The following P2RX3 variants were observed in gnomAD, a reference collection of about 807,000 sequenced individuals.
The protein encoded by P2RX3 is P2X purinoceptor 3.
A neutral mutation model predicts 51.5 loss-of-function variants in P2RX3; 41 were observed. The ratio of observed to expected loss-of-function variants is 0.80; its 90% CI spans 0.62 to 1.03. P2RX3 has a LOEUF of 1.03. Ranked by LOEUF, P2RX3 falls within the 50% of genes least tolerant of loss-of-function variation. The pLI is 0.00. For synonymous variants in P2RX3, 185 were observed against 191.6 expected (o/e 0.97, Z 0.29); for missense variants, 459 against 522.1 (o/e 0.88, Z 1.18).
intron 6 of P2RX3, among the ~76,000 whole-genome samples, chr11:57,349,453 G>A (rs1225480324): frequency 2.0e-5 from 3 of 151,752 alleles, no homozygotes; most frequent in South Asian, 2.1e-4. Context: ...GCAACAGACC[G>A]AGACTCCGTC....
rs376612327 is a variant in P2RX3, at chr11:57,347,410, C to T, written c.328-5C>T. The T allele has an allele frequency of 5.7e-5, 89 of 1,558,470 alleles. No individual in the cohort carries two copies. In the South Asian group the frequency reaches 6.9e-4, roughly 12 times the overall value. ...TTCACCAACCTGTGACCCGTCTGCC[C>T]ACAGAGTGAGGAGAAATACCGCTGT... is the stretch of plus-strand genomic sequence containing the variant. On this transcript the variant is annotated splice_region_variant and splice_polypyrimidine_tract_variant and intron_variant, in intron 3 of 11. Transcript: ENST00000263314.
chr11:57,343,639 T>C (rs1856381703), intron 1 of P2RX3, among the ~76,000 whole-genome samples: 1 of 152,232 alleles, frequency 6.6e-6, no homozygotes, highest in Non-Finnish European at 1.5e-5. Flanking sequence ...TATATAATAC[T>C]AGTCTGAACT....
chr11:57,360,586 A>T (rs1360807245), intron 8 of P2RX3, among the ~76,000 whole-genome samples: 1 of 151,704 alleles, frequency 6.6e-6, no homozygotes, highest in African/African-American at 2.4e-5. Context: ...CAAGGTCAGG[A>T]TGGAGACCAT....
intron 8 of P2RX3, among the ~76,000 whole-genome samples, chr11:57,353,772 C>T (rs1342963304): frequency 6.6e-6 from 1 of 151,916 alleles, no homozygotes; most frequent in African/African-American, 2.4e-5. Context: ...CTAAGACATC[C>T]AGAGGCAGCT....
upstream of P2RX3, among the ~76,000 whole-genome samples, chr11:57,337,060 G>A (rs962025249): frequency 1.3e-5 from 2 of 152,170 alleles, no homozygotes; most frequent in African/African-American, 4.8e-5. Context: ...GGGAGGCCAA[G>A]GCAGGGAGAT....
intron 8 of P2RX3, among the ~76,000 whole-genome samples, chr11:57,365,868 G>A (rs1241468723): frequency 6.6e-6 from 1 of 152,214 alleles, no homozygotes; most frequent in African/African-American, 2.4e-5. Context: ...CTGATTCACT[G>A]GGGCTGAGCA....
intron 1 of P2RX3, among the ~76,000 whole-genome samples, chr11:57,341,549 A>G (rs1173600848): frequency 1.3e-5 from 2 of 152,006 alleles, no homozygotes; most frequent in Non-Finnish European, 2.9e-5. Context: ...TGTTTCTCAC[A>G]TCTTTTCTGG....
chr11:57,347,630 G>A (rs1264597058), intron 4 of P2RX3, 152 bp downstream of exon 4: 3 of 858,860 alleles, frequency 3.5e-6, no homozygotes, highest in Non-Finnish European at 5.5e-6. Context: ...CCCAGTGGGT[G>A]CTACAAAGGT....
At chr11:57,364,176 C>A (rs1462327382) in intron 8 of P2RX3, among the ~76,000 whole-genome samples, 1 of 152,192 alleles carries the variant, frequency 6.6e-6, no homozygotes, top group Admixed American at 6.5e-5. Flanking sequence ...GATCCACCCT[C>A]TCACCCCTGC....
chr11:57,369,346 C>T lies in P2RX3; in HGVS notation c.1003-15C>T, dbSNP rs202123931. On this transcript the variant is annotated splice_polypyrimidine_tract_variant and intron_variant, in intron 10 of 11. Transcript: ENST00000263314. ...AGGGCACCCCTCGGAGCCCGCCCTG[C>T]CTCTCCTCCTCCAGGGAACTGTTCT... The T allele has an allele frequency of 1.2e-6, 2 of 1,607,786 alleles. No homozygotes were observed. The highest frequency in any genetic ancestry group is 1.3e-5 in the African/African-American group (1 of 74,740).
chr11:57,350,709 G>A, intron 7 of P2RX3, 53 bp from the exon 8 acceptor site: 2 of 1,518,250 alleles, frequency 1.3e-6, no homozygotes, highest in African/African-American at 1.4e-5. Context: ...CCCTGGCCCA[G>A]AGCAGGGAGT....
At chr11:57,340,720 G>C (rs1424370309) in intron 1 of P2RX3, 1 of 152,286 alleles carries the variant, frequency 6.6e-6, no homozygotes, top group African/African-American at 2.4e-5. Context: ...GTGGCTTAGA[G>C]GTGCACAGTT....
chr11:57,347,449 A>C lies in P2RX3; in HGVS notation c.362A>C (p.Gln121Pro). 2 of 1,559,180 alleles carry C rather than the reference A, an allele frequency of 1.3e-6. No individual in the cohort carries two copies. Among genetic ancestry groups the C allele is most frequent in the Non-Finnish European group, 1.7e-6 (2 of 1,151,120 alleles). ...AAATACCGCTGTGTATCAGACAGCC[A>C]GTGCGGGCCTGAGCGCTTGCCAGGT... is the stretch of plus-strand genomic sequence containing the variant. ...EEKYRCVSDS[Q>P]CGPERLPGGG... The change falls in exon 4 of 12, where the codon CAG (glutamine) becomes CCG (proline). Residue 121 changes from glutamine to proline, a missense_variant. Gln to Pro is a moderately conservative substitution (Grantham distance 76). Coordinates refer to ENST00000263314, the MANE Select transcript of P2RX3 (RefSeq NM_002559.5).
At position 57,356,259 on chromosome 11, in the gene P2RX3, C is replaced by G. The variant is rs117325859; in HGVS notation, c.842+5361C>G. Among the ~76,000 whole-genome samples, 311 of 152,184 alleles carry G rather than the reference C, an allele frequency of 2.0e-3. 5 individuals are homozygous for G. The East Asian group carries it at 0.049, about 24-fold the overall frequency. On this transcript the variant is annotated intron_variant, in intron 8 of 11. Coordinates refer to ENST00000263314, the MANE Select transcript of P2RX3 (RefSeq NM_002559.5). ...ATCTATATCCATTGCTTCCAGCATG[C>G]CTTGCGCCATCACATGGCCTGCAAA... is the stretch of plus-strand genomic sequence containing the variant.
At chr11:57,352,612 A>G (rs1856565577) in intron 8 of P2RX3, among the ~76,000 whole-genome samples, 1 of 152,222 alleles carries the variant, frequency 6.6e-6, no homozygotes, top group South Asian at 2.1e-4. Flanking sequence ...AAGACCCCCA[A>G]CTACTGATAT....
At chr11:57,369,531 C>T in intron 11 of P2RX3, 93 bp downstream of exon 11, 1 of 1,210,372 alleles carries the variant, frequency 8.3e-7, no homozygotes, top group Non-Finnish European at 1.2e-6. Context: ...CTGAGGCCTT[C>T]TGAAGGGGGG....
At chr11:57,369,859 A>G in intron 11 of P2RX3, 25 bp from the exon 12 acceptor site, 1 of 1,529,020 alleles carries the variant, frequency 6.5e-7, no homozygotes, top group Non-Finnish European at 9.1e-7. Context: ...TCAGAACTTG[A>G]CAACACCAGC....
chr11:57,352,534 T>C (rs965013175), intron 8 of P2RX3, among the ~76,000 whole-genome samples: 3 of 152,330 alleles, frequency 2.0e-5, no homozygotes, highest in East Asian at 3.9e-4. Flanking sequence ...CCTTTGGCCA[T>C]TGGGAATTCT....
chr11:57,368,120 G>C lies in P2RX3; in HGVS notation c.936+18G>C. 1 of 1,611,564 alleles carries C rather than the reference G, an allele frequency of 6.2e-7. No individual in the cohort carries two copies. The highest frequency in any genetic ancestry group is 8.5e-7 in the Non-Finnish European group (1 of 1,177,708). On this transcript the variant is annotated intron_variant, in intron 9 of 11. Transcript: ENST00000263314. Reference sequence around the variant, plus strand: ...ACGGGAATGTGAGTCCATGGGCCAGGCAGATGGGGTGGACAGGGGAGGCAG... The same window carrying C: ...ACGGGAATGTGAGTCCATGGGCCAGCCAGATGGGGTGGACAGGGGAGGCAG...
Sources: gnomAD v4.1 joint callset for allele counts (sites outside exome capture counted in the v4.1 genomes callset) on GRCh38, gnomAD v4.1.1 for gene constraint, MANE v1.5 for transcripts, NCBI Gene and HGNC (gene_info 2026-07-23, HGNC 2026-07-21) for gene names.